RAB21: variants seen among roughly 807,000 people sequenced by gnomAD.
RAB21 encodes the protein ras-related protein Rab-21.
Under a neutral mutation model 33.1 loss-of-function variants are expected in RAB21, and 13 were observed. The observed-to-expected ratio is 0.39, with a 90% CI of 0.26 to 0.62. RAB21 has a LOEUF of 0.62. Among genes scored for constraint, RAB21 ranks in the 20% least tolerant of loss-of-function variants. RAB21 has a pLI of 0.48. For synonymous variants in RAB21, 91 were observed against 103.7 expected (o/e 0.88, Z 0.74); for missense variants, 234 against 279.1 (o/e 0.84, Z 1.15).
chr12:71,798,359 A>G lies in RAB21; in HGVS notation c.*12686A>G, dbSNP rs1883492662. Reference sequence around the variant, plus strand: ...CTCGACCTGCCAAAGTGCTGGGATTATAGGTGTGAGGCACCATGCCCAACA... The same window carrying G: ...CTCGACCTGCCAAAGTGCTGGGATTGTAGGTGTGAGGCACCATGCCCAACA... On this transcript the variant is annotated 3_prime_UTR_variant, in exon 7 of 7. Coordinates refer to ENST00000261263, the MANE Select transcript of RAB21 (RefSeq NM_014999.4). 1 of 152,234 alleles carries G rather than the reference A, an allele frequency of 6.6e-6. No individual in the cohort carries two copies. The highest frequency in any genetic ancestry group is 1.5e-5 in the Non-Finnish European group (1 of 68,046). 9.4% of individuals were successfully genotyped at this position (152,234 alleles called of 1,614,324 possible). A position where few individuals can be genotyped will look rare whatever the true frequency, so the allele number is the denominator to read the frequency against.
intron 1 of RAB21, among the ~76,000 whole-genome samples, chr12:71,767,327 C>T (rs1882977583): frequency 6.6e-6 from 1 of 152,012 alleles, no homozygotes; most frequent in South Asian, 2.1e-4. Flanking sequence ...AGAAATGAGG[C>T]AGCTTTACCA....
chr12:71,770,670 G>T lies in RAB21; in HGVS notation c.298G>T (p.Asp100Tyr). 1 of 1,597,154 alleles carries T rather than the reference G, an allele frequency of 6.3e-7. No individual in the cohort carries two copies. ...TTCAAATGGAGCGATTTTAGTTTAT[G>T]ACATAACAGATGAAGATTCTTTTCA... Reference protein sequence around the residue: ...RDSNGAILVYDITDEDSFQKV... With the variant: ...RDSNGAILVYYITDEDSFQKV... The change falls in exon 3 of 7, where the codon GAC (aspartate) becomes TAC (tyrosine). Residue 100 changes from aspartate (D) to tyrosine (Y), a missense_variant. Transcript: ENST00000261263.
At position 71,786,586 on chromosome 12, in the gene RAB21, A is replaced by G. The variant is rs966446243; in HGVS notation, c.*913A>G. On this transcript the variant is annotated 3_prime_UTR_variant, in exon 7 of 7. Coordinates refer to ENST00000261263, the MANE Select transcript of RAB21 (RefSeq NM_014999.4). Reference sequence around the variant, plus strand: ...ATATTTTATCTGCTTTTACAAGCGCAAGGTGCAAAAATATATACAATAGTC... The same window carrying G: ...ATATTTTATCTGCTTTTACAAGCGCGAGGTGCAAAAATATATACAATAGTC... 6.6e-6 allele frequency: 1 copy of G among 152,666 alleles called. No individual in the cohort carries two copies. The highest frequency in any genetic ancestry group is 2.4e-5 in the African/African-American group (1 of 41,466). 9.5% of individuals were successfully genotyped at this position (152,666 alleles called of 1,614,324 possible).
rs989918418 is a variant in RAB21 at position 71,797,627 on chromosome 12, A to G, written c.*11954A>G. On this transcript the variant is annotated 3_prime_UTR_variant, in exon 7 of 7. Coordinates refer to ENST00000261263, the MANE Select transcript of RAB21 (RefSeq NM_014999.4). ...CTGATTCCAAAGTTTCTTTGAGGAA[A>G]AAAAAAAAAAAAAGCAAGACTAGCC... is the stretch of plus-strand genomic sequence containing the variant. 6.8e-6 allele frequency: 1 copy of G among 146,390 alleles called. No homozygotes were observed. Among genetic ancestry groups the G allele is most frequent in the African/African-American group, 2.7e-5 (1 of 37,686 alleles). 9.1% of individuals were successfully genotyped at this position (146,390 alleles called of 1,614,324 possible).
At chr12:71,760,782 T>C (rs1882861084) in intron 1 of RAB21, among the ~76,000 whole-genome samples, 1 of 152,108 alleles carries the variant, frequency 6.6e-6, no homozygotes, top group South Asian at 2.1e-4. Context: ...CCCTTTCTTT[T>C]TAGAGTCCCA....
intron 4 of RAB21, among the ~76,000 whole-genome samples, chr12:71,780,423 T>G (rs1003131706): frequency 5.3e-5 from 8 of 152,238 alleles, no homozygotes; most frequent in African/African-American, 9.6e-5. Flanking sequence ...GCTTTTTGCA[T>G]TCTTTACAGA....
rs1294335725 is a variant in RAB21, at chr12:71,800,210, C to G, written c.*14537C>G. 6.6e-6 allele frequency: 1 copy of G among 152,112 alleles called. No individual in the cohort carries two copies. Among genetic ancestry groups the G allele is most frequent in the Non-Finnish European group, 1.5e-5 (1 of 68,016 alleles). 9.4% of individuals were successfully genotyped at this position (152,112 alleles called of 1,614,324 possible). A position where few individuals can be genotyped will look rare whatever the true frequency, so the allele number is the denominator to read the frequency against. On this transcript the variant is annotated 3_prime_UTR_variant, in exon 7 of 7. Coordinates refer to ENST00000261263, the MANE Select transcript of RAB21 (RefSeq NM_014999.4). ...ACTTTCTTGTAATCCCTTCTCCCTC[C>G]CATTCCTGCTTTCTTTAAACTATAG...
chr12:71,771,586 A>G (rs1034891871), intron 3 of RAB21, among the ~76,000 whole-genome samples: 1 of 152,238 alleles, frequency 6.6e-6, no homozygotes, highest in African/African-American at 2.4e-5. Flanking sequence ...GGTACCTTGT[A>G]GATTTAATGA....
Position 71,796,325 on chromosome 12 carries a change from C to T in RAB21, c.*10652C>T, listed in dbSNP as rs899346570. 3 of 137,602 alleles carry T rather than the reference C, an allele frequency of 2.2e-5. 1 individual carries two copies. Among genetic ancestry groups the T allele is most frequent in the Non-Finnish European group, 4.5e-5 (3 of 65,982 alleles). The allele number at this position is 137,602 out of a possible 1,614,324, so 8.5% of individuals were successfully genotyped here. On this transcript the variant is annotated 3_prime_UTR_variant, in exon 7 of 7. Coordinates refer to ENST00000261263, the MANE Select transcript of RAB21 (RefSeq NM_014999.4). ...TTTTGCTGGGCAGTTTTAAGAGCTA[C>T]TTTTTGTCTGTACTTTCCTTAATTT...
intron 1 of RAB21, among the ~76,000 whole-genome samples, chr12:71,768,950 T>G (rs1883000903): frequency 6.6e-6 from 1 of 152,186 alleles, no homozygotes; most frequent in Non-Finnish European, 1.5e-5. Flanking sequence ...TGTGTGTGTC[T>G]AAATACATGT....
At position 71,755,010 on chromosome 12, in the gene RAB21, G is replaced by A; in HGVS notation, c.-120G>A. ...CTCGCCCGAGGAGGGCGTGGGGACAGCGCCCGGGTCGGCGGGGCCGGGGCG... is the reference window on the plus strand; with the variant it reads ...CTCGCCCGAGGAGGGCGTGGGGACAACGCCCGGGTCGGCGGGGCCGGGGCG... On this transcript the variant is annotated 5_prime_UTR_variant, in exon 1 of 7. Transcript: ENST00000261263. The A allele has an allele frequency of 1.1e-6, 1 of 941,862 alleles. No homozygotes were observed. The highest frequency in any genetic ancestry group is 1.3e-6 in the Non-Finnish European group (1 of 786,306). The allele number at this position is 941,862 out of a possible 1,614,324, so 58.3% of individuals were successfully genotyped here.
chr12:71,773,892 T>G lies in RAB21; in HGVS notation c.328-67T>G, dbSNP rs548781518. ...GAGGTATTTTGACAGTGTTGAGTTT[T>G]TTGGGTGTTGTGATAGTAGTAATTC... is the stretch of plus-strand genomic sequence containing the variant. On this transcript the variant is annotated intron_variant, in intron 3 of 6. Coordinates refer to ENST00000261263, the MANE Select transcript of RAB21 (RefSeq NM_014999.4). 690 of 1,117,452 alleles carry G rather than the reference T, an allele frequency of 6.2e-4. 1 individual carries two copies. Among genetic ancestry groups the G allele is most frequent in the Non-Finnish European group, 8.1e-4 (613 of 756,078 alleles). 69.2% of individuals were successfully genotyped at this position (1,117,452 alleles called of 1,614,324 possible).
intron 4 of RAB21, among the ~76,000 whole-genome samples, chr12:71,774,872 T>A (rs1883097815): frequency 6.6e-6 from 1 of 152,212 alleles, no homozygotes; most frequent in Non-Finnish European, 1.5e-5. Context: ...GCTTCAAGTT[T>A]CCCAGCCTTG....
intron 1 of RAB21, among the ~76,000 whole-genome samples, chr12:71,757,666 A>G (rs1882805264): frequency 6.6e-6 from 1 of 152,220 alleles, no homozygotes; most frequent in Non-Finnish European, 1.5e-5. Flanking sequence ...CTTTCTTAAC[A>G]ATTTTTCAGA....
In RAB21 at chr12:71,794,969, C is replaced by T. The variant is rs1172158221; in HGVS notation, c.*9296C>T. On this transcript the variant is annotated 3_prime_UTR_variant, in exon 7 of 7. Transcript: ENST00000261263. ...AAGTTAAAAGTTGTTAACTAGATGT[C>T]GAATTATTTTCATAGTAATCACCAT... 3 of 151,330 alleles carry T rather than the reference C, an allele frequency of 2.0e-5. No individual in the cohort carries two copies. The highest frequency in any genetic ancestry group is 4.4e-5 in the Non-Finnish European group (3 of 67,896). The allele number at this position is 151,330 out of a possible 1,614,324, so 9.4% of individuals were successfully genotyped here.
At chr12:71,755,369 C>T (rs1882769451) in intron 1 of RAB21, 81 bp downstream of exon 1, 2 of 1,389,334 alleles carry the variant, frequency 1.4e-6, no homozygotes, top group Non-Finnish European at 1.9e-6. Context: ...GCCCTGGTCC[C>T]CTGGATGTAG....
In RAB21 at chr12:71,787,025, T is replaced by A. The variant is rs770534149; in HGVS notation, c.*1352T>A. The A allele has an allele frequency of 7.2e-5, 11 of 152,240 alleles. No individual in the cohort carries two copies. The highest frequency in any genetic ancestry group is 1.3e-4 in the Non-Finnish European group (9 of 68,042). The allele number at this position is 152,240 out of a possible 1,614,324, so 9.4% of individuals were successfully genotyped here. ...TAGCCAGTTAACCAAGACTCATTCA[T>A]ATAGCACGTAGTTTATGTTCCTGAG... is the stretch of plus-strand genomic sequence containing the variant. On this transcript the variant is annotated 3_prime_UTR_variant, in exon 7 of 7. Coordinates refer to ENST00000261263, the MANE Select transcript of RAB21 (RefSeq NM_014999.4).
At position 71,769,810 on chromosome 12, in the gene RAB21, TAAC is replaced by T; in HGVS notation, c.173_175del (p.Thr58del). 7.2e-7 allele frequency: 1 copy of T among 1,389,200 alleles called. No individual in the cohort carries two copies. The highest frequency in any genetic ancestry group is 9.6e-7 in the Non-Finnish European group (1 of 1,045,322). 86.1% of individuals were successfully genotyped at this position (1,389,200 alleles called of 1,614,324 possible). ...TATTTCTCTTTTTAGGCATCATTCT[TAAC>T]AAAGAAGTTAAATATTGGTGGGAAA... is the stretch of plus-strand genomic sequence containing the variant. On this transcript the variant is annotated inframe_deletion, in exon 2 of 7. Transcript: ENST00000261263.
chr12:71,766,545 T>C (rs1440599507), intron 1 of RAB21, among the ~76,000 whole-genome samples: 1 of 152,132 alleles, frequency 6.6e-6, no homozygotes, highest in East Asian at 1.9e-4. Flanking sequence ...TTGTAAGTGC[T>C]GTAGAAACGT....
Sources: allele counts gnomAD v4.1 joint callset (sites outside exome capture counted in the v4.1 genomes callset), GRCh38; gene constraint gnomAD v4.1.1; transcripts MANE v1.5; gene names NCBI Gene and HGNC (gene_info 2026-07-23, HGNC 2026-07-21).